The following KCTD8 variants were observed in gnomAD, a reference collection of about 807,000 sequenced individuals.
KCTD8 encodes BTB/POZ domain-containing protein KCTD8.
A neutral mutation model predicts 31.5 loss-of-function variants in KCTD8; 27 were observed. The ratio of observed to expected loss-of-function variants is 0.86; its 90% CI spans 0.63 to 1.18. The LOEUF (loss-of-function observed/expected upper bound fraction) is 1.18, where lower values mean the gene tolerates loss of function less well. KCTD8 is among the 50% of genes most tolerant of loss of function. KCTD8 has a pLI of 0.00. For missense variants in KCTD8, 658 were observed against 647.7 expected, an observed-to-expected ratio of 1.02 and a Z score of -0.17; for synonymous variants, 290 against 280.0, an observed-to-expected ratio of 1.04 and a Z score of -0.36.
chr4:44,219,044 A>G (rs1316703375), intron 1 of KCTD8, among the ~76,000 whole-genome samples: 1 of 152,148 alleles, frequency 6.6e-6, no homozygotes, highest in Admixed American at 6.5e-5. Context: ...AGATCATAAC[A>G]CAGGTTTGCT....
chr4:44,403,842 G>A (rs1477768497), intron 1 of KCTD8, among the ~76,000 whole-genome samples: 6 of 151,792 alleles, frequency 4.0e-5, no homozygotes, highest in Non-Finnish European at 1.5e-5. Flanking sequence ...AATGTAAAGG[G>A]TAATAAAGAC....
At chr4:44,275,177 A>ATGTAAG (rs1450625982) in intron 1 of KCTD8, among the ~76,000 whole-genome samples, 1 of 151,960 alleles carries the variant, frequency 6.6e-6, no homozygotes, top group Non-Finnish European at 1.5e-5. Flanking sequence ...CATATGGAAG[A>ATGTAAG]TGTAAGTGCA....
At chr4:44,355,806 C>A (rs1045772289) in intron 1 of KCTD8, among the ~76,000 whole-genome samples, 6 of 152,170 alleles carry the variant, frequency 3.9e-5, no homozygotes, top group Non-Finnish European at 8.8e-5. Flanking sequence ...TTTATAATAT[C>A]AAACGCAAAT....
intron 1 of KCTD8, among the ~76,000 whole-genome samples, chr4:44,394,389 T>C (rs1720444709): frequency 6.6e-6 from 1 of 151,704 alleles, no homozygotes; most frequent in Non-Finnish European, 1.5e-5. Flanking sequence ...CATAAAACCA[T>C]AGTATGTCTC....
chr4:44,247,189 C>T (rs1715691330), intron 1 of KCTD8, among the ~76,000 whole-genome samples: 1 of 151,934 alleles, frequency 6.6e-6, no homozygotes, highest in South Asian at 2.1e-4. Context: ...ATACTTCTGC[C>T]TAGCACCTCC....
At chr4:44,437,058 G>A (rs201418994) in intron 1 of KCTD8, among the ~76,000 whole-genome samples, 2 of 146,610 alleles carry the variant, frequency 1.4e-5, no homozygotes, top group African/African-American at 5.0e-5. Context: ...GATTTTGAAA[G>A]TTTTTTTTTT....
intron 1 of KCTD8, among the ~76,000 whole-genome samples, chr4:44,229,238 TTGGCAATTATCACGTTGCCTCTCTAAAAG>T (rs1295111403): frequency 6.6e-6 from 1 of 152,132 alleles, no homozygotes; most frequent in Non-Finnish European, 1.5e-5. Flanking sequence ...GGTTGATGGT[TTGGCAATTATCACGTTGCCTCTCTAAAAG>T]TGATTAATTG....
intron 1 of KCTD8, among the ~76,000 whole-genome samples, chr4:44,265,910 C>T (rs1716338370): frequency 6.6e-6 from 1 of 152,292 alleles, no homozygotes; most frequent in Admixed American, 6.5e-5. Context: ...ACCAAATCTA[C>T]ATCTGATTGG....
At chr4:44,339,188 A>G in intron 1 of KCTD8, among the ~76,000 whole-genome samples, 1 of 152,180 alleles carries the variant, frequency 6.6e-6, no homozygotes, top group Non-Finnish European at 1.5e-5. Context: ...AGAAAATACA[A>G]TCTTTGGAGT....
At chr4:44,286,744 A>G (rs1398132584) in intron 1 of KCTD8, among the ~76,000 whole-genome samples, 1 of 152,134 alleles carries the variant, frequency 6.6e-6, no homozygotes, top group African/African-American at 2.4e-5. Context: ...GTGTTTTAAG[A>G]AAAAATAACT....
intron 1 of KCTD8, among the ~76,000 whole-genome samples, chr4:44,442,125 T>C (rs949099152): frequency 2.0e-5 from 3 of 152,034 alleles, no homozygotes; most frequent in Admixed American, 2.0e-4. Context: ...TGGAAGGAAA[T>C]GAATTAAGAT....
chr4:44,346,383 A>G (rs1411210108), intron 1 of KCTD8, among the ~76,000 whole-genome samples: 1 of 152,154 alleles, frequency 6.6e-6, no homozygotes, highest in African/African-American at 2.4e-5. Context: ...TATTCTGGAG[A>G]TATTTTAAAT....
intron 1 of KCTD8, among the ~76,000 whole-genome samples, chr4:44,307,052 A>G (rs1336817945): frequency 3.3e-5 from 5 of 152,018 alleles, no homozygotes; most frequent in Non-Finnish European, 7.4e-5. Context: ...TAAAGCGGCC[A>G]TAAACAAAAT....
At chr4:44,180,025 C>T (rs1006060107) in intron 1 of KCTD8, among the ~76,000 whole-genome samples, 1 of 152,092 alleles carries the variant, frequency 6.6e-6, no homozygotes, top group African/African-American at 2.4e-5. Context: ...TTAAGCACCA[C>T]ATGAATGATA....
intron 1 of KCTD8, among the ~76,000 whole-genome samples, chr4:44,306,630 A>G (rs1449273890): frequency 6.6e-6 from 1 of 151,836 alleles, no homozygotes; most frequent in East Asian, 1.9e-4. Context: ...CCTATTACTC[A>G]TAGTGTAATT....
chr4:44,301,384 T>A (rs1297644204), intron 1 of KCTD8, among the ~76,000 whole-genome samples: 2 of 152,172 alleles, frequency 1.3e-5, no homozygotes, highest in African/African-American at 4.8e-5. Flanking sequence ...ACCTGTTGTT[T>A]CCTGACTTTT....
intron 1 of KCTD8, among the ~76,000 whole-genome samples, chr4:44,365,713 T>C (rs1325636065): frequency 6.6e-6 from 1 of 152,190 alleles, no homozygotes; most frequent in African/African-American, 2.4e-5. Flanking sequence ...GGGCAGAGAA[T>C]TCTGTATTGA....
At chr4:44,191,365 A>C (rs1713759244) in intron 1 of KCTD8, among the ~76,000 whole-genome samples, 1 of 152,186 alleles carries the variant, frequency 6.6e-6, no homozygotes, top group Non-Finnish European at 1.5e-5. Flanking sequence ...GTGCAACTTG[A>C]AAAATAACAG....
At chr4:44,283,210 C>A (rs563558930) in intron 1 of KCTD8, among the ~76,000 whole-genome samples, 1 of 151,850 alleles carries the variant, frequency 6.6e-6, no homozygotes, top group African/African-American at 2.4e-5. Context: ...CCACCATGCC[C>A]GGCTAATTTT....
Sources: allele counts gnomAD v4.1 joint callset (sites outside exome capture counted in the v4.1 genomes callset), GRCh38; gene constraint gnomAD v4.1.1; transcripts MANE v1.5; gene names NCBI Gene and HGNC (gene_info 2026-07-23, HGNC 2026-07-21).